Variants in TRIM17 observed in about 807,000 individuals in gnomAD.
TRIM17 encodes E3 ubiquitin-protein ligase TRIM17.
A neutral mutation model predicts 35.8 loss-of-function variants in TRIM17; 27 were observed. That is an observed-to-expected ratio of 0.75 (90% CI 0.56 to 1.04). The LOEUF (loss-of-function observed/expected upper bound fraction) is 1.04, where lower values mean the gene tolerates loss of function less well. Among genes scored for constraint, TRIM17 ranks in the 50% least tolerant of loss-of-function variants. TRIM17 has a pLI of 0.00. For synonymous variants in TRIM17, 246 were observed against 252.6 expected, an observed-to-expected ratio of 0.97 and a Z score of 0.25; for missense variants, 582 against 612.8, an observed-to-expected ratio of 0.95 and a Z score of 0.53.
At position 228,408,026 on chromosome 1, in the gene TRIM17, C is replaced by G; in HGVS notation, c.*175G>C. The G allele has an allele frequency of 1.8e-6, 1 of 552,610 alleles. No individual in the cohort carries two copies. Among genetic ancestry groups the G allele is most frequent in the Non-Finnish European group, 2.9e-6 (1 of 339,278 alleles). The allele number at this position is 552,610 out of a possible 1,614,324, so 34.2% of individuals were successfully genotyped here. On this transcript the variant is annotated 3_prime_UTR_variant, in exon 7 of 7. Coordinates refer to ENST00000366698, the MANE Select transcript of TRIM17 (RefSeq NM_016102.4). The surrounding 1 kb of genome is among the most constrained non-coding windows in gnomAD (Gnocchi z 6.3). ...CTCTAGGAAGCATCTGTCAGTATAC[C>G]CTCTTAATGTTTGACAGTTCTAATC...
chr1:228,414,005 G>A (rs747074562), intron 2 of TRIM17, 113 bp from the exon 3 acceptor site: 3 of 819,212 alleles, frequency 3.7e-6, no homozygotes, highest in Non-Finnish European at 6.2e-6. Flanking sequence ...CCTCAGGAGG[G>A]GCAGGGGATC....
At chr1:228,409,121 C>T in intron 6 of TRIM17, 51 bp downstream of exon 6, 3 of 1,613,980 alleles carry the variant, frequency 1.9e-6, no homozygotes, top group Non-Finnish European at 8.5e-7. Context: ...TACAGTGGGG[C>T]ATCGCCAAGA....
In TRIM17 at chr1:228,408,804, G is replaced by A; in HGVS notation, c.884-53C>T. 1 of 1,561,452 alleles carries A rather than the reference G, an allele frequency of 6.4e-7. No individual in the cohort carries two copies. The highest frequency in any genetic ancestry group is 8.6e-7 in the Non-Finnish European group (1 of 1,159,352). ...TGGGGAGAGGTGTGGGGCATTCAGG[G>A]TCAAAGGTGGGAGTCCCCGGGCCCT... On this transcript the variant is annotated intron_variant, in intron 6 of 6. Transcript: ENST00000366698. The surrounding 1 kb of genome is among the most constrained non-coding windows in gnomAD (Gnocchi z 6.3).
chr1:228,412,752 A>G (rs1456813347), intron 3 of TRIM17, among the ~76,000 whole-genome samples: 2 of 152,166 alleles, frequency 1.3e-5, no homozygotes, highest in Non-Finnish European at 2.9e-5. Context: ...CCTGGGCCAC[A>G]GAGCGACTCT....
Position 228,411,080 on chromosome 1 carries a change from C to T in TRIM17, c.622G>A (p.Glu208Lys). Residue 208 changes from glutamate to lysine, a missense_variant, in exon 4 of 7, where the codon GAG becomes AAG. Coordinates refer to ENST00000366698, the MANE Select transcript of TRIM17 (RefSeq NM_016102.4). This position sits in a 1 kb window ranked among gnomAD's most constrained non-coding sequence, Gnocchi z 4.2. ...EEEQRLLQAL[E>K]TEEEETASRL... is the part of the protein sequence containing the mutation. ...CTGGCAGTCTCCTCTTCTTCCGTCTCCAGAGCCTGGAGGAGCCTCTGCTCT... is the reference window on the plus strand; with the variant it reads ...CTGGCAGTCTCCTCTTCTTCCGTCTTCAGAGCCTGGAGGAGCCTCTGCTCT... The T allele has an allele frequency of 1.2e-6, 2 of 1,614,078 alleles. No individual in the cohort carries two copies. The highest frequency in any genetic ancestry group is 1.7e-6 in the Non-Finnish European group (2 of 1,180,014).
rs767207885 is a variant in TRIM17 at position 228,409,339 on chromosome 1, C to A, written c.779+50G>T. The stretch of plus-strand genomic sequence containing the variant: ...CTGGCCCGACAGTCTTATTGTCCCC[C>A]CCGCCCACCGCTGCCACTGCCCCCG... On this transcript the variant is annotated intron_variant, in intron 5 of 6. Transcript: ENST00000366698. 1.2e-5 allele frequency: 19 copies of A among 1,602,994 alleles called. 2 individuals are homozygous for A. In the African/African-American group the frequency reaches 2.4e-4, roughly 20 times the overall value.
In TRIM17 at chr1:228,408,471, G is replaced by C; in HGVS notation, c.1164C>G (p.Phe388Leu). 6.2e-7 allele frequency: 1 copy of C among 1,614,188 alleles called. No individual in the cohort carries two copies. The highest frequency in any genetic ancestry group is 8.5e-7 in the Non-Finnish European group (1 of 1,180,028). ...DRVPKCPENG[F>L]WVVQLSKGTK... ...TCCCCTTGGACAGCTGCACCACCCA[G>C]AAGCCGTTTTCGGGGCACTTGGGGA... Residue 388 changes from phenylalanine (F) to leucine (L), a missense_variant, in exon 7 of 7, where the codon TTC (phenylalanine) becomes TTG (leucine). Transcript: ENST00000366698. The surrounding 1 kb of genome is among the most constrained non-coding windows in gnomAD (Gnocchi z 6.3).
In TRIM17 at chr1:228,416,850, C is replaced by A; in HGVS notation, c.-353G>T. On this transcript the variant is annotated 5_prime_UTR_variant, in exon 1 of 7. Transcript: ENST00000366698. ...CTGGACGAGCCGGGGACAGGCGCAG[C>A]GGGTGCTGACTGGGCGGTGGGGAGG... The A allele has an allele frequency of 1.0e-6, 1 of 979,034 alleles. No individual in the cohort carries two copies. The allele number at this position is 979,034 out of a possible 1,614,324, so 60.6% of individuals were successfully genotyped here.
Position 228,408,854 on chromosome 1 carries a change from C to A in TRIM17, c.884-103G>T. 1.3e-6 allele frequency: 2 copies of A among 1,501,110 alleles called. No homozygotes were observed. Among genetic ancestry groups the A allele is most frequent in the East Asian group, 2.4e-5 (1 of 41,998 alleles). 93.0% of individuals were successfully genotyped at this position (1,501,110 alleles called of 1,614,324 possible). ...TAGTGGTGGATGTGGCCAATGGTCC[C>A]CTAACTCCGCAGAGGCCTCCCCTGC... On this transcript the variant is annotated intron_variant, in intron 6 of 6. Transcript: ENST00000366698. This position sits in a 1 kb window ranked among gnomAD's most constrained non-coding sequence, Gnocchi z 6.3.
At position 228,416,765 on chromosome 1, in the gene TRIM17, C is replaced by T. The variant is rs1428347937; in HGVS notation, c.-268G>A. The T allele has an allele frequency of 4.1e-6, 4 of 976,954 alleles. No homozygotes were observed. The African/African-American group carries it at 7.4e-5, about 18-fold the overall frequency. 60.5% of individuals were successfully genotyped at this position (976,954 alleles called of 1,614,324 possible). ...TGTTCGGCGGCCGGGACTGGGGCGG[C>T]GCCTCTTAGGAGAGGTTGGGGGTGG... On this transcript the variant is annotated 5_prime_UTR_variant, in exon 1 of 7. Coordinates refer to ENST00000366698, the MANE Select transcript of TRIM17 (RefSeq NM_016102.4).
rs369128205 is a variant in TRIM17 at position 228,408,180 on chromosome 1, C to T, written c.*21G>A. 76 of 1,511,260 alleles carry T rather than the reference C, an allele frequency of 5.0e-5. No homozygotes were observed. Among genetic ancestry groups the T allele is most frequent in the Non-Finnish European group, 6.4e-5 (72 of 1,130,152 alleles). 93.6% of individuals were successfully genotyped at this position (1,511,260 alleles called of 1,614,324 possible). A position where few individuals can be genotyped will look rare whatever the true frequency, so the allele number is the denominator to read the frequency against. On this transcript the variant is annotated 3_prime_UTR_variant, in exon 7 of 7. Transcript: ENST00000366698. The surrounding 1 kb of genome is among the most constrained non-coding windows in gnomAD (Gnocchi z 6.3). ...ACCTTCTGCAGAGCCAGGAGCAGTG[C>T]CCGAGTCCCCCGGTCTGTGTCTATC...
At chr1:228,412,973 G>A (rs1656866125) in intron 3 of TRIM17, among the ~76,000 whole-genome samples, 1 of 152,134 alleles carries the variant, frequency 6.6e-6, no homozygotes, top group East Asian at 1.9e-4. Context: ...CACTTTGGGA[G>A]GCCGAGGCAG....
At position 228,414,742 on chromosome 1, in the gene TRIM17, G is replaced by C. The variant is rs1367562688; in HGVS notation, c.331C>G (p.Gln111Glu). 7 of 1,612,698 alleles carry C rather than the reference G, an allele frequency of 4.3e-6. No individual in the cohort carries two copies. The highest frequency in any genetic ancestry group is 5.9e-6 in the Non-Finnish European group (7 of 1,180,042). ...ACACAGATGGGGCTCTGGTCCTTCT[G>C]GCAGAAAAGCTTGAGGGGCTCGTGG... The part of the protein sequence containing the change: ...EHHEPLKLFC[Q>E]KDQSPICVVC... The change falls in exon 2 of 7, where the codon CAG becomes GAG. Residue 111 changes from glutamine to glutamate, a missense_variant. Coordinates refer to ENST00000366698, the MANE Select transcript of TRIM17 (RefSeq NM_016102.4).
intron 5 of TRIM17, 52 bp downstream of exon 5, chr1:228,409,337 C>A (rs1159410215): frequency 6.2e-7 from 1 of 1,602,164 alleles, no homozygotes; most frequent in Non-Finnish European, 8.5e-7. Context: ...CTTATTGTCC[C>A]CCCCGCCCAC....
At chr1:228,413,438 G>A (rs1656897060) in intron 3 of TRIM17, among the ~76,000 whole-genome samples, 1 of 151,328 alleles carries the variant, frequency 6.6e-6, no homozygotes, top group African/African-American at 2.4e-5. Flanking sequence ...TTGTGGTATT[G>A]AGCCCCCACC....
intron 2 of TRIM17, 38 bp from the exon 3 acceptor site, chr1:228,413,930 A>G: frequency 6.4e-7 from 1 of 1,566,122 alleles, no homozygotes; most frequent in Non-Finnish European, 8.8e-7. Context: ...GGGATCAGCG[A>G]TCCCCCTACC....
At chr1:228,415,682 G>A (rs1657073352) in intron 1 of TRIM17, 1 of 152,930 alleles carries the variant, frequency 6.5e-6, no homozygotes, top group Non-Finnish European at 1.5e-5. Context: ...AGAAGGGATG[G>A]GCTATCAGAG....
intron 1 of TRIM17, 143 bp from the exon 2 acceptor site, chr1:228,415,256 A>G (rs888886711): frequency 9.2e-6 from 6 of 653,238 alleles, no homozygotes; most frequent in African/African-American, 1.8e-5. Context: ...CTTGTCAACA[A>G]CAGACACAGA....
intron 2 of TRIM17, 27 bp downstream of exon 2, chr1:228,414,617 C>G (rs780162859): frequency 6.3e-7 from 1 of 1,593,114 alleles, no homozygotes; most frequent in African/African-American, 1.3e-5. Context: ...TCCCCGGCCC[C>G]TTGACCTGGG....
Sources: gnomAD v4.1 joint callset for allele counts (sites outside exome capture counted in the v4.1 genomes callset) on GRCh38, gnomAD v4.1.1 for gene constraint, Gnocchi (gnomAD v3.1) non-coding constraint, MANE v1.5 for transcripts, NCBI Gene and HGNC (gene_info 2026-07-23, HGNC 2026-07-21) for gene names.